The following PRSS12 variants were observed in gnomAD, a reference collection of about 807,000 sequenced individuals.
The protein encoded by PRSS12 is neurotrypsin.
In PRSS12, 85 loss-of-function variants were observed where a neutral mutation model predicts 104.4. The ratio of observed to expected loss-of-function variants is 0.81; its 90% CI spans 0.68 to 0.98. The LOEUF (loss-of-function observed/expected upper bound fraction) is 0.98, where lower values mean the gene tolerates loss of function less well. Among genes scored for constraint, PRSS12 ranks in the 50% least tolerant of loss-of-function variants. The pLI, the probability that PRSS12 is intolerant of heterozygous loss-of-function variation, is 0.00. For missense variants in PRSS12, 1,141 were observed against 1,139.2 expected (o/e 1.00, Z -0.02); for synonymous variants, 454 against 425.2 (o/e 1.07, Z -0.83).
chr4:118,347,157 G>A (rs990804311), intron 1 of PRSS12, among the ~76,000 whole-genome samples: 7 of 152,004 alleles, frequency 4.6e-5, no homozygotes, highest in Admixed American at 2.6e-4. Context: ...GCCTTAGTCT[G>A]AAAAGCAGAT....
chr4:118,329,555 C>A (rs1463415409), intron 4 of PRSS12, among the ~76,000 whole-genome samples: 7 of 152,094 alleles, frequency 4.6e-5, no homozygotes, highest in Non-Finnish European at 7.4e-5. Flanking sequence ...TTCATAGATA[C>A]AGCTAACTAA....
intron 8 of PRSS12, among the ~76,000 whole-genome samples, chr4:118,299,799 A>AAAAT (rs1390977702): frequency 1.1e-4 from 12 of 112,242 alleles, no homozygotes; most frequent in East Asian, 2.5e-4. Flanking sequence ...TAAAATAAAT[A>AAAAT]AAATAAAATA....
chr4:118,310,350 T>C (rs1743676358), intron 7 of PRSS12, among the ~76,000 whole-genome samples: 1 of 152,166 alleles, frequency 6.6e-6, no homozygotes, highest in East Asian at 1.9e-4. Context: ...ACTCTGAAAA[T>C]AAAAATGATA....
chr4:118,337,973 T>G (rs535738939), intron 2 of PRSS12, among the ~76,000 whole-genome samples: 2 of 152,294 alleles, frequency 1.3e-5, no homozygotes, highest in South Asian at 4.1e-4. Context: ...TCAGCCCAGA[T>G]AGTAATATGT....
intron 3 of PRSS12, among the ~76,000 whole-genome samples, chr4:118,334,499 C>G (rs1578934275): frequency 6.6e-6 from 1 of 151,942 alleles, no homozygotes; most frequent in Non-Finnish European, 1.5e-5. Context: ...AGGTAGAGAA[C>G]CAAAAGAAGA....
In PRSS12 at chr4:118,281,929, TGAA is replaced by T. The variant is rs1742869664; in HGVS notation, c.*4_*6del. On this transcript the variant is annotated 3_prime_UTR_variant, in exon 13 of 13. Transcript: ENST00000296498. ...TTTAAATGCTGCTTTGAAGTTTCCA[TGAA>T]GAATTACAGTTTGGTGACACTTTTT... 1 of 1,168,388 alleles carries T rather than the reference TGAA, an allele frequency of 8.6e-7. No individual in the cohort carries two copies. Among genetic ancestry groups the T allele is most frequent in the Admixed American group, 1.7e-5 (1 of 59,462 alleles). 72.4% of individuals were successfully genotyped at this position (1,168,388 alleles called of 1,614,324 possible).
chr4:118,289,420 G>C (rs181688136), intron 11 of PRSS12, among the ~76,000 whole-genome samples: 2 of 152,186 alleles, frequency 1.3e-5, no homozygotes, highest in Admixed American at 1.3e-4. Flanking sequence ...ATGTCAAAAG[G>C]GGGTGAGGGG....
In PRSS12 at chr4:118,296,214, C is replaced by T. The variant is rs544088762; in HGVS notation, c.1838-358G>A. ...AACATTAAACAAAATAAGAGAACTGCAAAGGCAGTAATGGCCTAAATTACT... is the reference window on the plus strand; with the variant it reads ...AACATTAAACAAAATAAGAGAACTGTAAAGGCAGTAATGGCCTAAATTACT... On this transcript the variant is annotated intron_variant, in intron 9 of 12. Coordinates refer to ENST00000296498, the MANE Select transcript of PRSS12 (RefSeq NM_003619.4). 6.6e-5 allele frequency among the ~76,000 whole-genome samples: 10 copies of T among 152,304 alleles called. 1 individual carries two copies. Among genetic ancestry groups the T allele is most frequent in the Admixed American group, 5.9e-4 (9 of 15,298 alleles).
intron 4 of PRSS12, among the ~76,000 whole-genome samples, chr4:118,327,675 T>C (rs1054668510): frequency 3.3e-5 from 5 of 152,152 alleles, no homozygotes; most frequent in African/African-American, 9.7e-5. Context: ...TTGAAAGACA[T>C]GGAAAGTGCT....
At chr4:118,349,671 T>G (rs988925591) in intron 1 of PRSS12, among the ~76,000 whole-genome samples, 1 of 152,094 alleles carries the variant, frequency 6.6e-6, no homozygotes, top group Non-Finnish European at 1.5e-5. Flanking sequence ...CATATTTTCA[T>G]CAGTAAAATG....
Position 118,352,727 on chromosome 4 carries a change from A to G in PRSS12, c.-7T>C. ...CGAAGCGGGCGAGCGTCATGGTGCCAGCGCTGCGGGGTCTGGTCCATGCTC... is the reference window on the plus strand; with the variant it reads ...CGAAGCGGGCGAGCGTCATGGTGCCGGCGCTGCGGGGTCTGGTCCATGCTC... On this transcript the variant is annotated 5_prime_UTR_variant, in exon 1 of 13. Transcript: ENST00000296498. 2 of 1,602,578 alleles carry G rather than the reference A, an allele frequency of 1.2e-6. No homozygotes were observed. The highest frequency in any genetic ancestry group is 1.7e-6 in the Non-Finnish European group (2 of 1,173,002).
chr4:118,328,679 C>T (rs528768049), intron 4 of PRSS12, among the ~76,000 whole-genome samples: 4 of 152,034 alleles, frequency 2.6e-5, no homozygotes, highest in South Asian at 2.1e-4. Context: ...GCTGGAGTAC[C>T]GTGATGTGAT....
At chr4:118,337,777 T>C (rs1267401370) in intron 2 of PRSS12, among the ~76,000 whole-genome samples, 1 of 151,990 alleles carries the variant, frequency 6.6e-6, no homozygotes, top group Non-Finnish European at 1.5e-5. Context: ...AATTAATTAA[T>C]TATAATTAAT....
At chr4:118,332,563 T>A (rs1025801114) in intron 3 of PRSS12, among the ~76,000 whole-genome samples, 2 of 152,206 alleles carry the variant, frequency 1.3e-5, no homozygotes, top group African/African-American at 4.8e-5. Flanking sequence ...GACTTCCTAT[T>A]ACATTGCCTA....
Position 118,352,399 on chromosome 4 carries a change from G to T in PRSS12, c.322C>A (p.Pro108Thr). ...GGCACCTCCGCCCACCGCAGACACGGGGCGCCGAAGTCCGTCACGCTGACC... is the reference window on the plus strand; with the variant it reads ...GGCACCTCCGCCCACCGCAGACACGTGGCGCCGAAGTCCGTCACGCTGACC... ...PWVSVTDFGA[P>T]CLRWAEVPPF... The change falls in exon 1 of 13, where the codon CCG becomes ACG. Residue 108 changes from proline to threonine, a missense_variant. By Grantham distance (38) the Pro-to-Thr change is conservative. Coordinates refer to ENST00000296498, the MANE Select transcript of PRSS12 (RefSeq NM_003619.4). 1 of 1,541,194 alleles carries T rather than the reference G, an allele frequency of 6.5e-7. No individual in the cohort carries two copies. The highest frequency in any genetic ancestry group is 2.4e-5 in the East Asian group (1 of 41,536).
At chr4:118,320,682 A>G (rs1211575783) in intron 4 of PRSS12, among the ~76,000 whole-genome samples, 14 of 152,040 alleles carry the variant, frequency 9.2e-5, no homozygotes, top group Admixed American at 6.6e-5. Context: ...GAACCCAGGA[A>G]GTCAAGGCTG....
chr4:118,309,729 T>G (rs1426368447), intron 7 of PRSS12, among the ~76,000 whole-genome samples: 1 of 152,166 alleles, frequency 6.6e-6, no homozygotes, highest in Non-Finnish European at 1.5e-5. Flanking sequence ...TAAAGCATGG[T>G]AAACTTATTA....
At chr4:118,294,522 A>T (rs530311202) in intron 11 of PRSS12, among the ~76,000 whole-genome samples, 1 of 152,322 alleles carries the variant, frequency 6.6e-6, no homozygotes, top group African/African-American at 2.4e-5. Context: ...AACATATGCA[A>T]CCTTTCTCAA....
chr4:118,312,474 T>A (rs1217373252), intron 7 of PRSS12, among the ~76,000 whole-genome samples: 2 of 141,218 alleles, frequency 1.4e-5, no homozygotes, highest in Non-Finnish European at 3.1e-5. Flanking sequence ...TTCATTCATA[T>A]ATATTCTGCC....
Sources: gnomAD v4.1 joint callset for allele counts (sites outside exome capture counted in the v4.1 genomes callset) on GRCh38, gnomAD v4.1.1 for gene constraint, MANE v1.5 for transcripts, NCBI Gene and HGNC (gene_info 2026-07-23, HGNC 2026-07-21) for gene names.